Variants in DHRSX observed in about 807,000 individuals in gnomAD.
DHRSX encodes polyprenol dehydrogenase.
In DHRSX, 31 loss-of-function variants were observed where a neutral mutation model predicts 34.0. The observed-to-expected ratio is 0.91, with a 90% CI of 0.69 to 1.23. The LOEUF is 1.23. DHRSX is among the 50% of genes most tolerant of loss of function. The pLI, the probability that DHRSX is intolerant of heterozygous loss-of-function variation, is 0.00. For synonymous variants in DHRSX, 201 were observed against 183.8 expected, an observed-to-expected ratio of 1.09 and a Z score of -0.76; for missense variants, 414 against 428.1, an observed-to-expected ratio of 0.97 and a Z score of 0.29.
chrX:2,298,949 C>T (rs193124276), intron 3 of DHRSX, among the ~76,000 whole-genome samples: 3,851 of 140,910 alleles, frequency 0.027, 185 homozygotes, highest in African/African-American at 0.099. Context: ...CGTGCCATTG[C>T]ACTCCAGCCT....
At chrX:2,458,740 G>C (rs929729102) in intron 1 of DHRSX, among the ~76,000 whole-genome samples, 1 of 151,980 alleles carries the variant, frequency 6.6e-6, no homozygotes, top group Non-Finnish European at 1.5e-5. Context: ...GCTCATGTCT[G>C]GAATCACAAT....
At chrX:2,452,723 T>C (rs757224996) in intron 1 of DHRSX, among the ~76,000 whole-genome samples, 1 of 151,934 alleles carries the variant, frequency 6.6e-6, no homozygotes, top group Non-Finnish European at 1.5e-5. Context: ...ATATGTTCCC[T>C]GAGCATGTGG....
chrX:2,495,254 G>A (rs1021685520), intron 1 of DHRSX, among the ~76,000 whole-genome samples: 4 of 151,270 alleles, frequency 2.6e-5, no homozygotes, highest in African/African-American at 7.3e-5. Flanking sequence ...AGGACGTGAA[G>A]CAAAGGTTTA....
chrX:2,485,396 T>C (rs915972566), intron 1 of DHRSX, among the ~76,000 whole-genome samples: 43 of 150,844 alleles, frequency 2.9e-4, no homozygotes, highest in African/African-American at 1.0e-3. Context: ...CCAACAGCAC[T>C]TGGAAAGGGC....
intron 6 of DHRSX, among the ~76,000 whole-genome samples, chrX:2,240,547 C>T (rs2016116749): frequency 6.6e-6 from 1 of 150,688 alleles, no homozygotes; most frequent in African/African-American, 2.5e-5. Flanking sequence ...ATGAAACAGA[C>T]AATTACCTAA....
At chrX:2,345,216 C>T (rs2042689732) in intron 3 of DHRSX, among the ~76,000 whole-genome samples, 1 of 151,988 alleles carries the variant, frequency 6.6e-6, no homozygotes, top group African/African-American at 2.4e-5. Context: ...CCATGGTGCC[C>T]ACATATGTGA....
intron 2 of DHRSX, among the ~76,000 whole-genome samples, chrX:2,417,184 G>A (rs2043705515): frequency 6.6e-6 from 1 of 152,160 alleles, no homozygotes; most frequent in South Asian, 2.1e-4. Flanking sequence ...TTTATCTCAA[G>A]AAAAAAGGCA....
intron 5 of DHRSX, among the ~76,000 whole-genome samples, chrX:2,246,744 G>GAA (rs1376011281): frequency 2.8e-5 from 3 of 108,122 alleles, no homozygotes; most frequent in Admixed American, 8.9e-5. Flanking sequence ...AAGAAAGAAA[G>GAA]AAAGAAAAAG....
At chrX:2,230,200 T>C (rs2015841696) in intron 6 of DHRSX, among the ~76,000 whole-genome samples, 1 of 132,102 alleles carries the variant, frequency 7.6e-6, no homozygotes, top group African/African-American at 2.7e-5. Context: ...TCTATATGTG[T>C]GTATTTGTAC....
At chrX:2,383,875 A>G (rs2043241856) in intron 3 of DHRSX, among the ~76,000 whole-genome samples, 1 of 152,230 alleles carries the variant, frequency 6.6e-6, no homozygotes, top group Admixed American at 6.5e-5. Flanking sequence ...GGAGGGGAAG[A>G]ATTCTCAAGA....
intron 1 of DHRSX, among the ~76,000 whole-genome samples, chrX:2,449,924 C>T (rs1043637660): frequency 3.3e-5 from 5 of 152,152 alleles, no homozygotes; most frequent in South Asian, 2.1e-4. Context: ...TGAGCCACCA[C>T]GCCTGGCCAT....
At chrX:2,258,032 G>C (rs1420815717) in intron 5 of DHRSX, among the ~76,000 whole-genome samples, 5 of 152,020 alleles carry the variant, frequency 3.3e-5, no homozygotes, top group Non-Finnish European at 5.9e-5. Flanking sequence ...TGAGGACACA[G>C]ACACACACAG....
intron 3 of DHRSX, among the ~76,000 whole-genome samples, chrX:2,332,312 G>A (rs983582163): frequency 6.6e-6 from 1 of 152,190 alleles, no homozygotes; most frequent in Non-Finnish European, 1.5e-5. Flanking sequence ...AAGGCTATGA[G>A]CAGAGATTAC....
At chrX:2,239,742 C>G (rs1183518956) in intron 6 of DHRSX, among the ~76,000 whole-genome samples, 1 of 151,882 alleles carries the variant, frequency 6.6e-6, no homozygotes, top group Non-Finnish European at 1.5e-5. Context: ...GCACTCCAGC[C>G]TGGGCAACAG....
At chrX:2,332,548 T>C (rs1273685699) in intron 3 of DHRSX, among the ~76,000 whole-genome samples, 1 of 152,122 alleles carries the variant, frequency 6.6e-6, no homozygotes, top group African/African-American at 2.4e-5. Flanking sequence ...CAACTGTGCA[T>C]TAGAAATAGG....
intron 3 of DHRSX, among the ~76,000 whole-genome samples, chrX:2,388,522 G>A (rs922226432): frequency 3.3e-5 from 5 of 151,954 alleles, no homozygotes; most frequent in African/African-American, 7.3e-5. Flanking sequence ...ACCTCAGGAG[G>A]AACCAGCCCT....
intron 1 of DHRSX, among the ~76,000 whole-genome samples, chrX:2,479,527 C>A (rs2044737348): frequency 6.6e-6 from 1 of 150,948 alleles, no homozygotes; most frequent in Non-Finnish European, 1.5e-5. Context: ...AAGAATGCGA[C>A]CAGGGGACCG....
chrX:2,296,978 CAGGAATAGGACCCAGGCAGAT>C (rs1273531017), intron 3 of DHRSX, among the ~76,000 whole-genome samples: 35 of 88,668 alleles, frequency 3.9e-4, no homozygotes, highest in African/African-American at 1.1e-3. Context: ...CCCAGGCAGA[CAGGAATAGGACCCAGGCAGAT>C]AGGAATAGGA....
At chrX:2,439,510 T>C (rs1395637307) in intron 1 of DHRSX, among the ~76,000 whole-genome samples, 2 of 152,116 alleles carry the variant, frequency 1.3e-5, no homozygotes, top group Non-Finnish European at 2.9e-5. Flanking sequence ...TGGGGGATGG[T>C]TTGGGGATGA....
Sources: gnomAD v4.1 joint callset for allele counts (sites outside exome capture counted in the v4.1 genomes callset) on GRCh38, gnomAD v4.1.1 for gene constraint, MANE v1.5 for transcripts, NCBI Gene and HGNC (gene_info 2026-07-23, HGNC 2026-07-21) for gene names.